Variants in CRYBG3 observed in about 807,000 individuals in gnomAD.
CRYBG3 encodes crystallin beta-gamma domain containing 3.
In CRYBG3, 127 loss-of-function variants were observed where a neutral mutation model predicts 244.2. The observed-to-expected ratio is 0.52, with a 90% CI of 0.45 to 0.60. The LOEUF is 0.60. Among genes scored for constraint, CRYBG3 ranks in the 20% least tolerant of loss-of-function variants. The pLI, the probability that CRYBG3 is intolerant of heterozygous loss-of-function variation, is 0.00. For synonymous variants in CRYBG3, 1,132 were observed against 1,195.8 expected, an observed-to-expected ratio of 0.95 and a Z score of 1.10; for missense variants, 3,325 against 3,442.5, an observed-to-expected ratio of 0.97 and a Z score of 0.85.
At chr3:97,878,134 A>C (rs1188587724) in intron 4 of CRYBG3, 97 bp downstream of exon 4, 1 of 1,146,586 alleles carries the variant, frequency 8.7e-7, no homozygotes, top group East Asian at 2.5e-5. Context: ...GTTTTGGCCA[A>C]GCATGGTGGC....
Position 97,892,829 on chromosome 3 carries a change from T to G in CRYBG3, c.7441-31T>G, listed in dbSNP as rs77451817. On this transcript the variant is annotated intron_variant, in intron 10 of 21. Coordinates refer to ENST00000389622, the MANE Select transcript of CRYBG3 (RefSeq NM_153605.4). ...CACTTAAGTAAATATGTGTCTATAT[T>G]AAAATATAAACATGTTAAATAATTT... 3,768 of 1,219,130 alleles carry G rather than the reference T, an allele frequency of 3.1e-3. 77 individuals carry two copies. The African/African-American group carries it at 0.052, about 17-fold the overall frequency. The allele number at this position is 1,219,130 out of a possible 1,614,324, so 75.5% of individuals were successfully genotyped here. A position where few individuals can be genotyped will look rare whatever the true frequency, so the allele number is the denominator to read the frequency against.
intron 1 of CRYBG3, among the ~76,000 whole-genome samples, chr3:97,831,349 T>A (rs940116672): frequency 2.0e-5 from 3 of 152,116 alleles, no homozygotes; most frequent in African/African-American, 7.2e-5. Flanking sequence ...GGGAAGGGAC[T>A]AGAGGTAATT....
chr3:97,867,791 A>AC (rs2039252926), intron 3 of CRYBG3, among the ~76,000 whole-genome samples: 1 of 152,198 alleles, frequency 6.6e-6, no homozygotes, highest in Non-Finnish European at 1.5e-5. Flanking sequence ...GATATAGAAT[A>AC]AAAATGTGAT....
At chr3:97,864,740 G>A (rs1031678013) in intron 3 of CRYBG3, 93 bp downstream of exon 3, 54 of 839,018 alleles carry the variant, frequency 6.4e-5, no homozygotes, top group Non-Finnish European at 9.6e-5. Context: ...GGTGGGATTG[G>A]AAAAGATATT....
In CRYBG3 at chr3:97,917,155, G is replaced by T. The variant is rs918364927; in HGVS notation, c.8241+1419G>T. ...CTAGGGAGGGCATTTTAGAAGCAGG[G>T]TCAAAATTAGTGTTACTATTTTTCT... On this transcript the variant is annotated intron_variant, in intron 17 of 21. Transcript: ENST00000389622. Among the ~76,000 whole-genome samples the T allele has an allele frequency of 1.9e-4, 29 of 152,214 alleles. 1 individual carries two copies. Among genetic ancestry groups the T allele is most frequent in the Admixed American group, 1.8e-3 (28 of 15,280 alleles).
Position 97,874,456 on chromosome 3 carries a change from G to A in CRYBG3, c.3262G>A (p.Val1088Ile). The change falls in exon 4 of 22, where the codon GTT becomes ATT. Residue 1088 changes from valine to isoleucine, a missense_variant. Val to Ile is a conservative substitution (Grantham distance 29). Coordinates refer to ENST00000389622, the MANE Select transcript of CRYBG3 (RefSeq NM_153605.4). The part of the protein sequence containing the change: ...KPQNNLDSIQ[V>I]TKDLTHEGTS... ...CCAAAATAATTTGGATTCTATACAAGTTACCAAAGATCTCACACATGAAGG... is the reference window on the plus strand; with the variant it reads ...CCAAAATAATTTGGATTCTATACAAATTACCAAAGATCTCACACATGAAGG... 11 of 1,534,862 alleles carry A rather than the reference G, an allele frequency of 7.2e-6. No individual in the cohort carries two copies. Among genetic ancestry groups the A allele is most frequent in the Non-Finnish European group, 8.7e-6 (10 of 1,146,364 alleles).
rs1297423839 is a variant in CRYBG3 at position 97,944,204 on chromosome 3, G to A, written c.*890G>A. On this transcript the variant is annotated 3_prime_UTR_variant, in exon 22 of 22. Transcript: ENST00000389622. ...GACCTTACCATCTCTTTAAGTAAAC[G>A]TGGAGTTGATTTCTCTACTAAATAA... The A allele has an allele frequency of 1.3e-5, 2 of 151,150 alleles. No individual in the cohort carries two copies. The highest frequency in any genetic ancestry group is 6.6e-5 in the Admixed American group (1 of 15,104). The allele number at this position is 151,150 out of a possible 1,614,324, so 9.4% of individuals were successfully genotyped here.
chr3:97,928,907 G>A (rs1383549139), intron 17 of CRYBG3, among the ~76,000 whole-genome samples: 1 of 151,882 alleles, frequency 6.6e-6, no homozygotes, highest in Non-Finnish European at 1.5e-5. Flanking sequence ...TACAGATATA[G>A]GTATATAACT....
intron 19 of CRYBG3, among the ~76,000 whole-genome samples, chr3:97,938,549 TGCACACAC>T (rs1479166727): frequency 1.3e-5 from 2 of 151,290 alleles, no homozygotes; most frequent in South Asian, 2.1e-4. Context: ...CATGCACACA[TGCACACAC>T]ACCATTCTCA....
intron 7 of CRYBG3, among the ~76,000 whole-genome samples, chr3:97,882,377 TG>T (rs1369011305): frequency 6.6e-6 from 1 of 150,490 alleles, no homozygotes; most frequent in Non-Finnish European, 1.5e-5. Context: ...TAGACGTGTG[TG>T]CATGCATGTG....
chr3:97,925,421 T>C (rs184460054), intron 17 of CRYBG3, among the ~76,000 whole-genome samples: 101 of 152,094 alleles, frequency 6.6e-4, no homozygotes, highest in African/African-American at 2.3e-3. Flanking sequence ...TTAATTACAA[T>C]GGTGGGGGGA....
At chr3:97,844,027 A>G (rs1251103225) in intron 2 of CRYBG3, among the ~76,000 whole-genome samples, 1 of 152,184 alleles carries the variant, frequency 6.6e-6, no homozygotes, top group East Asian at 1.9e-4. Flanking sequence ...TGGTCAGTAG[A>G]AAGACTGAAA....
At chr3:97,857,678 T>C (rs1342655105) in intron 2 of CRYBG3, among the ~76,000 whole-genome samples, 1 of 152,116 alleles carries the variant, frequency 6.6e-6, no homozygotes. Context: ...AATGTCTTTT[T>C]CCATCCATTT....
At chr3:97,927,710 C>T (rs891643539) in intron 17 of CRYBG3, among the ~76,000 whole-genome samples, 1 of 151,578 alleles carries the variant, frequency 6.6e-6, no homozygotes, top group Non-Finnish European at 1.5e-5. Context: ...AATCAACAAG[C>T]AAAAAACAAA....
chr3:97,910,158 A>G (rs537280714), intron 15 of CRYBG3, among the ~76,000 whole-genome samples: 8 of 151,660 alleles, frequency 5.3e-5, no homozygotes, highest in African/African-American at 1.9e-4. Context: ...CAAAGCTGTC[A>G]GACAGGGACA....
At chr3:97,851,758 G>A (rs2038989245) in intron 2 of CRYBG3, among the ~76,000 whole-genome samples, 1 of 152,150 alleles carries the variant, frequency 6.6e-6, no homozygotes, top group African/African-American at 2.4e-5. Context: ...CAATGCCAGG[G>A]GGCTTGGATT....
Position 97,873,223 on chromosome 3 carries a change from G to A in CRYBG3, c.2029G>A (p.Glu677Lys). Residue 677 changes from glutamate to lysine, a missense_variant, in exon 4 of 22, where the codon GAG becomes AAG. Around this residue, in one of 4 missense-constraint regions of CRYBG3, gnomAD observed 1,526 missense variants for 1,443.2 expected, o/e 1.06. Coordinates refer to ENST00000389622, the MANE Select transcript of CRYBG3 (RefSeq NM_153605.4). ...GTTGGATATTCCTGATTTAATGAATGAGGGTTCTCCTGTGCCCATTGAAAC... is the reference window on the plus strand; with the variant it reads ...GTTGGATATTCCTGATTTAATGAATAAGGGTTCTCCTGTGCCCATTGAAAC... Reference protein sequence around the residue: ...SKLDIPDLMNEGSPVPIETGN... With the variant: ...SKLDIPDLMNKGSPVPIETGN... The A allele has an allele frequency of 6.5e-7, 1 of 1,535,868 alleles. No individual in the cohort carries two copies. The highest frequency in any genetic ancestry group is 1.2e-5 in the South Asian group (1 of 84,016).
At position 97,896,117 on chromosome 3, in the gene CRYBG3, C is replaced by A. The variant is rs367676121; in HGVS notation, c.7701+32C>A. The stretch of plus-strand genomic sequence containing the variant: ...TAGCTTCCTTATCCTTAATTTTCTA[C>A]CTTTTAAAAAATCTGTTCACAAAAA... On this transcript the variant is annotated intron_variant, in intron 12 of 21. Coordinates refer to ENST00000389622, the MANE Select transcript of CRYBG3 (RefSeq NM_153605.4). The A allele has an allele frequency of 9.0e-6, 14 of 1,563,946 alleles. No homozygotes were observed. The African/African-American group carries it at 9.7e-5, about 11-fold the overall frequency.
chr3:97,938,149 T>C (rs1291769316), intron 19 of CRYBG3, among the ~76,000 whole-genome samples: 2 of 146,974 alleles, frequency 1.4e-5, no homozygotes, highest in Non-Finnish European at 3.0e-5. Context: ...AACAGTCCTT[T>C]GAGGTAGGAA....
Sources: gnomAD v4.1 joint callset for allele counts (sites outside exome capture counted in the v4.1 genomes callset) on GRCh38, gnomAD v4.1.1 for gene constraint, gnomAD v4.1.1 regional missense constraint, MANE v1.5 for transcripts, NCBI Gene and HGNC (gene_info 2026-07-23, HGNC 2026-07-21) for gene names.